Variants in PTPRN2 observed in about 807,000 individuals in gnomAD.
PTPRN2 encodes the protein receptor-type tyrosine-protein phosphatase N2.
Under a neutral mutation model 118.8 loss-of-function variants are expected in PTPRN2, and 74 were observed. That is an observed-to-expected ratio of 0.62 (90% CI 0.52 to 0.76). PTPRN2 has a LOEUF of 0.76. Among genes scored for constraint, PTPRN2 ranks in the 30% least tolerant of loss-of-function variants. The pLI is 0.00. For synonymous variants in PTPRN2, 641 were observed against 608.0 expected (o/e 1.05, Z -0.80); for missense variants, 1,481 against 1,394.4 (o/e 1.06, Z -0.99).
At chr7:157,755,467 G>A (rs1801726273) in intron 12 of PTPRN2, among the ~76,000 whole-genome samples, 1 of 152,114 alleles carries the variant, frequency 6.6e-6, no homozygotes, top group East Asian at 1.9e-4. Flanking sequence ...TCTTCACGGG[G>A]GGGTTTGAGA....
chr7:158,465,850 C>T (rs1044585637), intron 2 of PTPRN2, among the ~76,000 whole-genome samples: 1 of 152,160 alleles, frequency 6.6e-6, no homozygotes. Context: ...ACCCAGAAAG[C>T]CAGCAGTTAT....
intron 2 of PTPRN2, among the ~76,000 whole-genome samples, chr7:158,321,318 G>T (rs567998878): frequency 6.6e-6 from 1 of 152,298 alleles, no homozygotes; most frequent in South Asian, 2.1e-4. Context: ...TCCTCTGCGG[G>T]ACTCCTGCCT....
At chr7:157,767,222 A>G (rs1391847323) in intron 12 of PTPRN2, among the ~76,000 whole-genome samples, 3 of 152,142 alleles carry the variant, frequency 2.0e-5, no homozygotes, top group African/African-American at 7.2e-5. Flanking sequence ...ACAGCACTCC[A>G]CGTCCATCAT....
rs1438963984 is a variant in PTPRN2, at chr7:158,409,274, T to C, written c.163+80461A>G. 3.3e-5 allele frequency among the ~76,000 whole-genome samples: 5 copies of C among 152,174 alleles called. No homozygotes were observed. The East Asian group carries it at 7.7e-4, about 24-fold the overall frequency. ...GACCTCTGCAGCCAGAAGCCAGCCA[T>C]TGCCTGTGTTCAGGGCTGGCCCTGG... On this transcript the variant is annotated intron_variant, in intron 2 of 22. Transcript: ENST00000389418.
At chr7:158,502,392 A>G (rs542632562) in intron 1 of PTPRN2, among the ~76,000 whole-genome samples, 3 of 152,370 alleles carry the variant, frequency 2.0e-5, no homozygotes, top group Non-Finnish European at 2.9e-5. Context: ...AAAGAAGGTT[A>G]GAAAACTGAC....
At chr7:157,699,626 C>T (rs11766972) in intron 12 of PTPRN2, among the ~76,000 whole-genome samples, 24,427 of 152,102 alleles carry the variant, frequency 0.16, 2,378 homozygotes, top group Non-Finnish European at 0.22. Context: ...CAGGGTTTTG[C>T]CATCTTGGCC....
chr7:158,045,419 C>A (rs900411305), intron 11 of PTPRN2, among the ~76,000 whole-genome samples: 1 of 152,200 alleles, frequency 6.6e-6, no homozygotes, highest in East Asian at 1.9e-4. Context: ...CCACTCAGAG[C>A]ACCCACATCT....
chr7:158,489,515 GGTTGGTGCGAGC>G (rs1459481751), intron 2 of PTPRN2, among the ~76,000 whole-genome samples: 1 of 152,208 alleles, frequency 6.6e-6, no homozygotes, highest in Non-Finnish European at 1.5e-5. Context: ...AGAAAGCAAG[GGTTGGTGCGAGC>G]GATGGGCGCC....
chr7:157,572,020 A>G (rs1158131850), intron 19 of PTPRN2, among the ~76,000 whole-genome samples: 2 of 152,240 alleles, frequency 1.3e-5, no homozygotes, highest in African/African-American at 2.4e-5. Flanking sequence ...AGAAACCTCT[A>G]TGAAGTCCAA....
chr7:157,912,207 C>G (rs751689324), intron 11 of PTPRN2, among the ~76,000 whole-genome samples: 1 of 152,232 alleles, frequency 6.6e-6, no homozygotes, highest in Non-Finnish European at 1.5e-5. Flanking sequence ...GCTTTAAACA[C>G]TTTGCCGATT....
intron 1 of PTPRN2, among the ~76,000 whole-genome samples, chr7:158,516,149 C>T (rs1823543629): frequency 6.6e-6 from 1 of 152,124 alleles, no homozygotes; most frequent in African/African-American, 2.4e-5. Context: ...AAGTAATTTA[C>T]CTTCCAATTC....
chr7:157,856,170 A>G (rs1038795435), intron 12 of PTPRN2: 3 of 152,232 alleles, frequency 2.0e-5, no homozygotes, highest in Non-Finnish European at 4.4e-5. Context: ...ATTTCAGTAT[A>G]TGTTCAACCC....
At chr7:157,847,796 T>C in intron 12 of PTPRN2, among the ~76,000 whole-genome samples, 1 of 146,678 alleles carries the variant, frequency 6.8e-6, no homozygotes, top group Non-Finnish European at 1.5e-5. Context: ...TCTCACTCCA[T>C]CATGCGTGCC....
intron 3 of PTPRN2, among the ~76,000 whole-genome samples, chr7:158,248,043 T>A (rs965229147): frequency 4.6e-5 from 7 of 152,092 alleles, no homozygotes; most frequent in African/African-American, 1.7e-4. Context: ...TCACAGCACA[T>A]CGTTTCTGAG....
intron 12 of PTPRN2, among the ~76,000 whole-genome samples, chr7:157,726,264 C>G (rs1473276498): frequency 6.9e-6 from 1 of 144,890 alleles, no homozygotes; most frequent in African/African-American, 2.6e-5. Context: ...CCCAGGAAAA[C>G]TGGATATCCA....
intron 6 of PTPRN2, among the ~76,000 whole-genome samples, chr7:158,138,791 C>T (rs1482910896): frequency 6.6e-6 from 1 of 152,222 alleles, no homozygotes; most frequent in Non-Finnish European, 1.5e-5. Flanking sequence ...ATGGAAAGCA[C>T]AGCTTCCAGA....
Position 157,874,878 on chromosome 7 carries a change from C to T in PTPRN2, c.1788+23795G>A, listed in dbSNP as rs932937599. 3.3e-5 allele frequency among the ~76,000 whole-genome samples: 5 copies of T among 151,232 alleles called. No homozygotes were observed. The highest frequency in any genetic ancestry group is 5.9e-5 in the Non-Finnish European group (4 of 67,440). On this transcript the variant is annotated intron_variant, in intron 12 of 22. Transcript: ENST00000389418. The surrounding 1 kb of genome is among the most constrained non-coding windows in gnomAD (Gnocchi z 5.8). Reference sequence around the variant, plus strand: ...ACGGAGACACACTCGTGCACATACACACACGGAGACACACTCGTGCACATA... The same window carrying T: ...ACGGAGACACACTCGTGCACATACATACACGGAGACACACTCGTGCACATA...
chr7:157,872,462 T>TGTCCTCCCTACACACAAATAC (rs1811164407), intron 12 of PTPRN2, among the ~76,000 whole-genome samples: 4 of 66,284 alleles, frequency 6.0e-5, no homozygotes, highest in African/African-American at 2.4e-4. Flanking sequence ...CACACGCATA[T>TGTCCTCCCTACACACAAATAC]CCAGTGTCCT....
At chr7:157,626,711 T>G (rs954753690) in intron 14 of PTPRN2, among the ~76,000 whole-genome samples, 1 of 152,240 alleles carries the variant, frequency 6.6e-6, no homozygotes, top group African/African-American at 2.4e-5. Flanking sequence ...CAGCAAGCAC[T>G]CAGCCAATAT....
Sources: gnomAD v4.1 joint callset for allele counts (sites outside exome capture counted in the v4.1 genomes callset) on GRCh38, gnomAD v4.1.1 for gene constraint, Gnocchi (gnomAD v3.1) non-coding constraint, MANE v1.5 for transcripts, NCBI Gene and HGNC (gene_info 2026-07-23, HGNC 2026-07-21) for gene names.